Variants in PXYLP1 observed in about 807,000 individuals in gnomAD.
PXYLP1 encodes the protein acid phosphatase-like 2.
Under a neutral mutation model 37.9 loss-of-function variants are expected in PXYLP1, and 17 were observed. That is an observed-to-expected ratio of 0.45 (90% confidence interval 0.31 to 0.67). The LOEUF is 0.67. Ranked by LOEUF, PXYLP1 falls within the 30% of genes least tolerant of loss-of-function variation. The pLI is 0.07. For synonymous variants in PXYLP1, 221 were observed against 232.2 expected (o/e 0.95, Z 0.44); for missense variants, 511 against 612.0 (o/e 0.84, Z 1.74).
At chr3:141,286,435 A>C (rs1942075816) in intron 4 of PXYLP1, among the ~76,000 whole-genome samples, 1 of 152,196 alleles carries the variant, frequency 6.6e-6, no homozygotes, top group Non-Finnish European at 1.5e-5. Context: ...ATTTTCCTAA[A>C]GGGGGATTTT....
At chr3:141,282,366 T>C (rs1017818718) in intron 4 of PXYLP1, among the ~76,000 whole-genome samples, 15 of 152,164 alleles carry the variant, frequency 9.9e-5, no homozygotes, top group African/African-American at 3.6e-4. Context: ...CAATAAAACC[T>C]ACTCAGAACA....
chr3:141,282,846 T>A (rs1308330935), intron 4 of PXYLP1, among the ~76,000 whole-genome samples: 1 of 152,156 alleles, frequency 6.6e-6, no homozygotes, highest in Non-Finnish European at 1.5e-5. Context: ...CTGGTGGTGG[T>A]ACCCCTCCCT....
intron 2 of PXYLP1, chr3:141,274,383 T>G: frequency 6.9e-7 from 1 of 1,442,706 alleles, no homozygotes; most frequent in South Asian, 1.4e-5. Flanking sequence ...CTGAGCCAGC[T>G]TGCTGACCCC....
chr3:141,237,875 C>T (rs983225982), intron 1 of PXYLP1, among the ~76,000 whole-genome samples: 4 of 152,216 alleles, frequency 2.6e-5, no homozygotes, highest in African/African-American at 9.6e-5. Context: ...CTCTTTGAAA[C>T]AGGCACTCAT....
intron 1 of PXYLP1, among the ~76,000 whole-genome samples, chr3:141,248,026 T>TG: frequency 8.2e-6 from 1 of 122,640 alleles, no homozygotes. Flanking sequence ...TTGTTTTGTT[T>TG]TTTTTTTTTT....
chr3:141,256,394 C>T (rs1040026854), intron 1 of PXYLP1, among the ~76,000 whole-genome samples: 11 of 152,204 alleles, frequency 7.2e-5, no homozygotes, highest in South Asian at 2.1e-4. Flanking sequence ...TTTGGAGCCT[C>T]GTCCTTTACA....
At chr3:141,257,775 C>G (rs1941294187) in intron 1 of PXYLP1, among the ~76,000 whole-genome samples, 1 of 151,790 alleles carries the variant, frequency 6.6e-6, no homozygotes, top group South Asian at 2.1e-4. Flanking sequence ...GTGGTGGCAG[C>G]CACCTGTAAT....
intron 1 of PXYLP1, among the ~76,000 whole-genome samples, chr3:141,245,447 C>G (rs1042679107): frequency 2.2e-4 from 34 of 152,182 alleles, no homozygotes; most frequent in African/African-American, 7.5e-4. Context: ...TGATTAGAAT[C>G]GTGCCATGCC....
At chr3:141,284,654 T>G (rs1942030704) in intron 4 of PXYLP1, among the ~76,000 whole-genome samples, 1 of 152,238 alleles carries the variant, frequency 6.6e-6, no homozygotes. Context: ...CCATGTACTT[T>G]ACATCATCTC....
chr3:141,248,972 C>T (rs138235763), intron 1 of PXYLP1, among the ~76,000 whole-genome samples: 1 of 151,790 alleles, frequency 6.6e-6, no homozygotes, highest in Non-Finnish European at 1.5e-5. Flanking sequence ...GATCTCAGCA[C>T]GTGGAGGGCT....
intron 3 of PXYLP1, among the ~76,000 whole-genome samples, chr3:141,279,098 A>T (rs1337175252): frequency 6.6e-6 from 1 of 152,212 alleles, no homozygotes; most frequent in Non-Finnish European, 1.5e-5. Context: ...ATTAGTAGTC[A>T]TGCCCGCATT....
chr3:141,251,349 A>G (rs900154417), intron 1 of PXYLP1, among the ~76,000 whole-genome samples: 1 of 152,198 alleles, frequency 6.6e-6, no homozygotes, highest in African/African-American at 2.4e-5. Context: ...AGAGCCTGGA[A>G]TAGGAGAAGA....
At chr3:141,266,314 G>A (rs1231908341) in intron 2 of PXYLP1, among the ~76,000 whole-genome samples, 2 of 152,176 alleles carry the variant, frequency 1.3e-5, no homozygotes, top group African/African-American at 2.4e-5. Flanking sequence ...GGAGCATTAC[G>A]GGGACCGCTG....
rs1003183308 is a variant in PXYLP1, at chr3:141,262,177, T to A, written c.79+1923T>A. The A allele has an allele frequency of 1.6e-5, 10 of 612,760 alleles. No individual in the cohort carries two copies. In the African/African-American group the frequency reaches 2.0e-4, roughly 12 times the overall value. The allele number at this position is 612,760 out of a possible 1,614,324, so 38.0% of individuals were successfully genotyped here. On this transcript the variant is annotated intron_variant, in intron 2 of 5. Transcript: ENST00000286353. ...CTTCCAATTGTGACATATTTCCATGTACATGCATATGACAGCCTATTTCTA... is the reference window on the plus strand; with the variant it reads ...CTTCCAATTGTGACATATTTCCATGAACATGCATATGACAGCCTATTTCTA...
chr3:141,279,403 G>A lies in PXYLP1; in HGVS notation c.264G>A (p.Leu88=), dbSNP rs758150240. 1 of 1,614,158 alleles carries A rather than the reference G, an allele frequency of 6.2e-7. No homozygotes were observed. The highest frequency in any genetic ancestry group is 8.5e-7 in the Non-Finnish European group (1 of 1,180,026). The change falls in exon 4 of 6, where the codon CTG becomes CTA. Residue 88 remains leucine, a synonymous_variant. Transcript: ENST00000286353. Reference sequence around the variant, plus strand: ...GTCATGCCCCGCATCATTTTAAGCTGGTCTCAGTGCATGTGTTCATTCGCC... The same window carrying A: ...GTCATGCCCCGCATCATTTTAAGCTAGTCTCAGTGCATGTGTTCATTCGCC... ...MEGHAPHHFK[L]VSVHVFIRHG...
At chr3:141,264,206 A>G (rs1015719428) in intron 2 of PXYLP1, among the ~76,000 whole-genome samples, 2 of 152,216 alleles carry the variant, frequency 1.3e-5, no homozygotes, top group Non-Finnish European at 2.9e-5. Context: ...CTAACCTGCA[A>G]AAATGAGAGT....
At chr3:141,242,568 G>T (rs138627372) in intron 1 of PXYLP1, among the ~76,000 whole-genome samples, 24 of 152,336 alleles carry the variant, frequency 1.6e-4, no homozygotes, top group African/African-American at 5.3e-4. Context: ...AAGGTGGACT[G>T]GAGACAGTGC....
chr3:141,263,364 C>T (rs967398580), intron 2 of PXYLP1, among the ~76,000 whole-genome samples: 1 of 152,168 alleles, frequency 6.6e-6, no homozygotes, highest in Non-Finnish European at 1.5e-5. Context: ...AAAAATAAGT[C>T]TATGTTTTCA....
chr3:141,253,162 G>A (rs1239727864), intron 1 of PXYLP1, among the ~76,000 whole-genome samples: 1 of 152,230 alleles, frequency 6.6e-6, no homozygotes, highest in Non-Finnish European at 1.5e-5. Context: ...CTCCAGGGAA[G>A]GAGTGAGAAT....
Sources: gnomAD v4.1 joint callset for allele counts (sites outside exome capture counted in the v4.1 genomes callset) on GRCh38, gnomAD v4.1.1 for gene constraint, MANE v1.5 for transcripts, NCBI Gene and HGNC (gene_info 2026-07-23, HGNC 2026-07-21) for gene names.